Variants in FRMD5 observed in about 807,000 individuals in gnomAD.
FRMD5 encodes the protein FERM domain containing 5.
In FRMD5, 20 loss-of-function variants were observed where a neutral mutation model predicts 69.0. The ratio of observed to expected loss-of-function variants is 0.29; its 90% confidence interval spans 0.20 to 0.42. The LOEUF (loss-of-function observed/expected upper bound fraction) is 0.42, where lower values mean the gene tolerates loss of function less well. FRMD5 is among the 10% of genes least tolerant of loss of function. The pLI, the probability that FRMD5 is intolerant of heterozygous loss-of-function variation, is 1.00. For synonymous variants in FRMD5, 271 were observed against 260.1 expected, an observed-to-expected ratio of 1.04 and a Z score of -0.40; for missense variants, 595 against 708.6, an observed-to-expected ratio of 0.84 and a Z score of 1.82.
intron 10 of FRMD5, among the ~76,000 whole-genome samples, chr15:43,887,311 T>A (rs1300438187): frequency 6.6e-6 from 1 of 152,174 alleles, no homozygotes; most frequent in African/African-American, 2.4e-5. Flanking sequence ...GCATCTCAAG[T>A]TGCTTCTCTC....
At chr15:43,964,141 C>T (rs1386082927) in intron 1 of FRMD5, among the ~76,000 whole-genome samples, 1 of 151,726 alleles carries the variant, frequency 6.6e-6, no homozygotes, top group Non-Finnish European at 1.5e-5. Flanking sequence ...TTGTTATAAT[C>T]ATAGATTAAG....
intron 1 of FRMD5, among the ~76,000 whole-genome samples, chr15:44,022,417 T>C (rs576240707): frequency 6.8e-6 from 1 of 147,876 alleles, no homozygotes; most frequent in African/African-American, 2.5e-5. Context: ...AAAAAAAACA[T>C]ACGAAAATTA....
chr15:43,975,947 G>C (rs1050864702), intron 1 of FRMD5, among the ~76,000 whole-genome samples: 2 of 151,830 alleles, frequency 1.3e-5, no homozygotes, highest in Admixed American at 1.3e-4. Context: ...ACAGAATAAA[G>C]AGCCTATAAA....
At chr15:44,084,685 T>C (rs1894124382) in intron 1 of FRMD5, among the ~76,000 whole-genome samples, 1 of 152,122 alleles carries the variant, frequency 6.6e-6, no homozygotes, top group African/African-American at 2.4e-5. Context: ...CTAATAATCC[T>C]TTAGCTTTTA....
intron 1 of FRMD5, among the ~76,000 whole-genome samples, chr15:44,134,474 G>T (rs1331199681): frequency 6.6e-6 from 1 of 151,974 alleles, no homozygotes; most frequent in Non-Finnish European, 1.5e-5. Context: ...TTTGAGACAG[G>T]GTCTCGCTCT....
At chr15:44,037,737 G>C in intron 1 of FRMD5, among the ~76,000 whole-genome samples, 1 of 151,844 alleles carries the variant, frequency 6.6e-6, no homozygotes, top group East Asian at 1.9e-4. Context: ...GCCTCCTAAA[G>C]TGTTGGGATT....
chr15:44,015,900 T>C (rs1890935959), intron 1 of FRMD5, among the ~76,000 whole-genome samples: 1 of 152,258 alleles, frequency 6.6e-6, no homozygotes, highest in South Asian at 2.1e-4. Flanking sequence ...AAGGTTGATT[T>C]ATATCTGCAT....
chr15:44,145,494 G>T (rs2733208), intron 1 of FRMD5, among the ~76,000 whole-genome samples: 27,942 of 152,094 alleles, frequency 0.18, 5,225 homozygotes, highest in African/African-American at 0.48. Flanking sequence ...AAGAGGATTT[G>T]GGGTTCTAAA....
chr15:44,048,590 T>G (rs1892527291), intron 1 of FRMD5, among the ~76,000 whole-genome samples: 1 of 152,188 alleles, frequency 6.6e-6, no homozygotes, highest in South Asian at 2.1e-4. Flanking sequence ...TGGTTTTTTT[T>G]GAGATAGAGT....
intron 6 of FRMD5, 103 bp downstream of exon 6, chr15:43,905,723 CTG>C: frequency 7.0e-6 from 10 of 1,420,302 alleles, no homozygotes; most frequent in Admixed American, 1.8e-5. Flanking sequence ...GAGCATCACT[CTG>C]TGTCAGTAAA....
intron 1 of FRMD5, among the ~76,000 whole-genome samples, chr15:43,984,072 T>TG (rs1211168439): frequency 6.6e-6 from 1 of 152,178 alleles, no homozygotes; most frequent in Non-Finnish European, 1.5e-5. Flanking sequence ...CAAGCCAGAA[T>TG]GGGTATGTAA....
chr15:44,120,203 G>T (rs2076927379), intron 1 of FRMD5, among the ~76,000 whole-genome samples: 1 of 152,018 alleles, frequency 6.6e-6, no homozygotes, highest in African/African-American at 2.4e-5. Context: ...GAATGGCAGG[G>T]GCATACTGAG....
chr15:44,108,201 CTTTTAT>C (rs1269218966), intron 1 of FRMD5, among the ~76,000 whole-genome samples: 1 of 152,280 alleles, frequency 6.6e-6, no homozygotes, highest in Non-Finnish European at 1.5e-5. Flanking sequence ...ACTGTCTGGA[CTTTTAT>C]TTTTAACAGT....
At chr15:43,931,900 C>T (rs1317369781) in intron 1 of FRMD5, among the ~76,000 whole-genome samples, 1 of 152,120 alleles carries the variant, frequency 6.6e-6, no homozygotes, top group Non-Finnish European at 1.5e-5. Flanking sequence ...AGTTGAGGCA[C>T]AGGGAGCAGA....
chr15:44,014,676 G>T (rs1890875314), intron 1 of FRMD5, among the ~76,000 whole-genome samples: 1 of 152,172 alleles, frequency 6.6e-6, no homozygotes, highest in South Asian at 2.1e-4. Flanking sequence ...GATGGAGGTT[G>T]CCTTGAGCCA....
At chr15:44,131,750 G>A (rs962529745) in intron 1 of FRMD5, among the ~76,000 whole-genome samples, 6 of 14,786 alleles carry the variant, frequency 4.1e-4, no homozygotes, top group Non-Finnish European at 2.9e-3. Flanking sequence ...TAAAATCATA[G>A]AGACAGACAG....
intron 1 of FRMD5, among the ~76,000 whole-genome samples, chr15:44,092,128 C>CTTTTGGGAATCTAGTCCCTCTG (rs1056504907): frequency 6.6e-6 from 1 of 152,132 alleles, no homozygotes; most frequent in Non-Finnish European, 1.5e-5. Context: ...TCGTCACTCT[C>CTTTTGGGAATCTAGTCCCTCTG]TTTTGGGAAT....
chr15:43,893,151 T>C (rs2088835265), intron 7 of FRMD5, among the ~76,000 whole-genome samples: 1 of 150,782 alleles, frequency 6.6e-6, no homozygotes, highest in Non-Finnish European at 1.5e-5. Context: ...AAACATTTTA[T>C]GGTATGTGAA....
chr15:44,089,417 T>C (rs1415929789), intron 1 of FRMD5, among the ~76,000 whole-genome samples: 1 of 152,096 alleles, frequency 6.6e-6, no homozygotes, highest in African/African-American at 2.4e-5. Context: ...TAAAAAGTTT[T>C]TCAGGGCTGG....
Sources: allele counts gnomAD v4.1 joint callset (sites outside exome capture counted in the v4.1 genomes callset), GRCh38; gene constraint gnomAD v4.1.1; transcripts MANE v1.5; gene names NCBI Gene and HGNC (gene_info 2026-07-23, HGNC 2026-07-21).